The following GNAS variants were observed in gnomAD, a reference collection of about 807,000 sequenced individuals.
GNAS encodes GNAS complex locus.
Under a neutral mutation model 54.5 loss-of-function variants are expected in GNAS, and 8 were observed. The ratio of observed to expected loss-of-function variants is 0.15; its 90% CI spans 0.09 to 0.26. The LOEUF is 0.26. Among genes scored for constraint, GNAS ranks in the 10% least tolerant of loss-of-function variants. GNAS has a pLI of 1.00. For missense variants in GNAS, 170 were observed against 529.8 expected, an observed-to-expected ratio of 0.32 and a Z score of 6.67; for synonymous variants, 204 against 191.4, an observed-to-expected ratio of 1.07 and a Z score of -0.54.
intron 1 of GNAS, among the ~76,000 whole-genome samples, chr20:58,865,507 A>T (rs2087008496): frequency 1.4e-5 from 2 of 147,934 alleles, no homozygotes; most frequent in East Asian, 3.9e-4. Flanking sequence ...CATATAATAT[A>T]TACATATATA....
At chr20:58,905,567 CTTG>C (rs1475869636) in intron 6 of GNAS, 87 bp downstream of exon 6, 7 of 815,732 alleles carry the variant, frequency 8.6e-6, no homozygotes, top group Non-Finnish European at 1.5e-5. Flanking sequence ...TTGAAAGTTA[CTTG>C]TTGATGATTC....
At chr20:58,895,725 A>G (rs1466100632) in intron 2 of GNAS, 41 bp downstream of exon 2, 1 of 1,135,746 alleles carries the variant, frequency 8.8e-7, no homozygotes, top group Admixed American at 1.7e-5. Context: ...AAGTAAGAGG[A>G]ACAGACTTTA....
intron 1 of GNAS, among the ~76,000 whole-genome samples, chr20:58,869,644 T>C (rs1036591062): frequency 1.3e-5 from 2 of 152,214 alleles, no homozygotes; most frequent in Non-Finnish European, 2.9e-5. Context: ...AGAAGGGACT[T>C]GCTAGGGATA....
upstream of GNAS, among the ~76,000 whole-genome samples, chr20:58,888,126 A>G (rs949925889): frequency 6.6e-6 from 1 of 152,168 alleles, no homozygotes; most frequent in African/African-American, 2.4e-5. Context: ...TTCTCCATCA[A>G]ACATCTTAAG....
At chr20:58,842,657 G>GC (rs1179133064) in intron 1 of GNAS, 1 of 396,710 alleles carries the variant, frequency 2.5e-6, no homozygotes, top group Non-Finnish European at 4.4e-6. Context: ...CTTTTGGCTT[G>GC]CCCCTAAGTC....
intron 1 of GNAS, among the ~76,000 whole-genome samples, chr20:58,878,727 A>T (rs920430783): frequency 5.3e-5 from 8 of 152,160 alleles, no homozygotes; most frequent in Non-Finnish European, 1.2e-4. Context: ...AAAAACACTT[A>T]AAAAATATGT....
chr20:58,887,188 G>C (rs1199285386), upstream of GNAS, among the ~76,000 whole-genome samples: 1 of 152,214 alleles, frequency 6.6e-6, no homozygotes, highest in East Asian at 1.9e-4. Context: ...CCTGGCATAA[G>C]TATCTAGGTT....
chr20:58,841,284 C>A lies in GNAS; in HGVS notation c.43+398C>A. On this transcript the variant is annotated intron_variant, in intron 1 of 12. Transcript: ENST00000306090. This position sits in a 1 kb window ranked among gnomAD's most constrained non-coding sequence, Gnocchi z 5.0. ...AAAGACTAGTCTCAAATAAGTTGGCCTTCTCAGGTGTCCAAAATGTGGTTC... is the reference window on the plus strand; with the variant it reads ...AAAGACTAGTCTCAAATAAGTTGGCATTCTCAGGTGTCCAAAATGTGGTTC... 1 of 1,072,652 alleles carries A rather than the reference C, an allele frequency of 9.3e-7. No homozygotes were observed. Among genetic ancestry groups the A allele is most frequent in the Non-Finnish European group, 1.1e-6 (1 of 879,832 alleles). The allele number at this position is 1,072,652 out of a possible 1,614,324, so 66.4% of individuals were successfully genotyped here. A position where few individuals can be genotyped will look rare whatever the true frequency, so the allele number is the denominator to read the frequency against.
chr20:58,864,803 G>A, intron 1 of GNAS, among the ~76,000 whole-genome samples: 1 of 152,118 alleles, frequency 6.6e-6, no homozygotes, highest in East Asian at 1.9e-4. Context: ...CAGGATTTTA[G>A]AAGCATTTTG....
At chr20:58,892,145 CG>C in intron 1 of GNAS, 5 of 960,984 alleles carry the variant, frequency 5.2e-6, no homozygotes, top group Non-Finnish European at 6.2e-6. Context: ...CTCTCGCTCT[CG>C]CTCTCCCCCT....
In GNAS at chr20:58,857,758, G is replaced by A. The variant is rs774993230; in HGVS notation, c.43+16872G>A. On this transcript the variant is annotated intron_variant, in intron 1 of 12. Transcript: ENST00000306090. The surrounding 1 kb of genome is among the most constrained non-coding windows in gnomAD (Gnocchi z 4.1). ...ATCAATCCTGCAGCAAACTGTCCAT[G>A]TTTGGGACCAGTCTTAAGAATATTA... Among the ~76,000 whole-genome samples the A allele has an allele frequency of 2.0e-5, 3 of 152,206 alleles. No homozygotes were observed. Among genetic ancestry groups the A allele is most frequent in the Non-Finnish European group, 4.4e-5 (3 of 68,044 alleles).
chr20:58,841,727 T>C lies in GNAS; in HGVS notation c.43+841T>C. On this transcript the variant is annotated intron_variant, in intron 1 of 12. Transcript: ENST00000306090. This position sits in a 1 kb window ranked among gnomAD's most constrained non-coding sequence, Gnocchi z 5.0. ...GGGATGCCCCTACGGGCTACCAGGG[T>C]TGAACGCACAGGCATGGTCACGTCG... 2 of 1,223,006 alleles carry C rather than the reference T, an allele frequency of 1.6e-6. No homozygotes were observed. Among genetic ancestry groups the C allele is most frequent in the Non-Finnish European group, 2.0e-6 (2 of 982,768 alleles). The allele number at this position is 1,223,006 out of a possible 1,614,324, so 75.8% of individuals were successfully genotyped here.
At chr20:58,880,563 C>T (rs1257804188) in intron 1 of GNAS, among the ~76,000 whole-genome samples, 2 of 152,160 alleles carry the variant, frequency 1.3e-5, no homozygotes, top group Non-Finnish European at 2.9e-5. Flanking sequence ...AAAGGACAAG[C>T]GTGACAGCTG....
chr20:58,890,287 AGGGCGCCGAGGAGGGCGCCGTCGG>A (rs3833327), upstream of GNAS, among the ~76,000 whole-genome samples: 1,435 of 150,662 alleles, frequency 9.5e-3, 15 homozygotes, highest in Middle Eastern at 0.017. Context: ...GACGACGACG[AGGGCGCCGAGGAGGGCGCCGTCGG>A]GGGCGCCGAG....
At chr20:58,864,838 C>A (rs2086953030) in intron 1 of GNAS, among the ~76,000 whole-genome samples, 1 of 151,990 alleles carries the variant, frequency 6.6e-6, no homozygotes, top group Non-Finnish European at 1.5e-5. Context: ...ACAGAGGGGT[C>A]CTCCAAGTGG....
Position 58,910,695 on chromosome 20 carries a change from G to A in GNAS, c.1051G>A (p.Ala351Thr), listed in dbSNP as rs1424128803. 1 of 1,614,208 alleles carries A rather than the reference G, an allele frequency of 6.2e-7. No individual in the cohort carries two copies. The highest frequency in any genetic ancestry group is 8.5e-7 in the Non-Finnish European group (1 of 1,180,030). The part of the protein sequence containing the change: ...IRDEFLRIST[A>T]SGDGRHYCYP... ...TTTGTGCCCGCAGAGGATCAGCACTGCCAGTGGAGATGGGCGTCACTACTG... is the reference window on the plus strand; with the variant it reads ...TTTGTGCCCGCAGAGGATCAGCACTACCAGTGGAGATGGGCGTCACTACTG... Residue 351 changes from alanine to threonine, a missense_variant, in exon 13 of 13, where the codon GCC becomes ACC. Coordinates refer to ENST00000371085, the MANE Select transcript of GNAS (RefSeq NM_000516.7). This position sits in a 1 kb window ranked among gnomAD's most constrained non-coding sequence, Gnocchi z 5.8.
chr20:58,855,337 A>AC, intron 1 of GNAS: 1 of 1,561,302 alleles, frequency 6.4e-7, no homozygotes, highest in Non-Finnish European at 8.7e-7. Context: ...CTTCTAGGTA[A>AC]TGCGGCGGAC....
chr20:58,892,153 CCCTCTTTCT>C (rs1568981773), intron 1 of GNAS: 1 of 963,022 alleles, frequency 1.0e-6, no homozygotes, highest in Non-Finnish European at 1.2e-6. Flanking sequence ...CTCGCTCTCC[CCCTCTTTCT>C]CTCTTTCTCT....
Position 58,853,257 on chromosome 20 carries a change from C to T in GNAS, c.43+12371C>T. 1 of 1,531,746 alleles carries T rather than the reference C, an allele frequency of 6.5e-7. No individual in the cohort carries two copies. The highest frequency in any genetic ancestry group is 8.8e-7 in the Non-Finnish European group (1 of 1,133,780). The allele number at this position is 1,531,746 out of a possible 1,614,324, so 94.9% of individuals were successfully genotyped here. On this transcript the variant is annotated intron_variant, in intron 1 of 12. Transcript: ENST00000306090. This position sits in a 1 kb window ranked among gnomAD's most constrained non-coding sequence, Gnocchi z 4.4. The stretch of plus-strand genomic sequence containing the variant: ...CCCCAAACTTATTTTGAGAGGCCGC[C>T]ACCGTGTTATGGGCGTGCGCAACTG...
Sources: allele counts gnomAD v4.1 joint callset (sites outside exome capture counted in the v4.1 genomes callset), GRCh38; gene constraint gnomAD v4.1.1; non-coding constraint Gnocchi (gnomAD v3.1); transcripts MANE v1.5; gene names NCBI Gene and HGNC (gene_info 2026-07-23, HGNC 2026-07-21).